PHACTR1: variants seen among roughly 807,000 people sequenced by gnomAD.
The protein encoded by PHACTR1 is RPEL repeat containing 1.
In PHACTR1, 16 loss-of-function variants were observed where a neutral mutation model predicts 69.2. The observed-to-expected ratio is 0.23, with a 90% CI of 0.16 to 0.35. The LOEUF (loss-of-function observed/expected upper bound fraction) is 0.35, where lower values mean the gene tolerates loss of function less well. PHACTR1 is among the 10% of genes least tolerant of loss of function. The pLI is 1.00. For synonymous variants in PHACTR1, 312 were observed against 284.5 expected, an observed-to-expected ratio of 1.10 and a Z score of -0.97; for missense variants, 510 against 734.7, an observed-to-expected ratio of 0.69 and a Z score of 3.54.
intron 4 of PHACTR1, among the ~76,000 whole-genome samples, chr6:13,006,371 A>C (rs1374436622): frequency 6.6e-6 from 1 of 152,156 alleles, no homozygotes; most frequent in African/African-American, 2.4e-5. Context: ...TCTGAATGTC[A>C]GTGGAATGTT....
intron 5 of PHACTR1, among the ~76,000 whole-genome samples, chr6:13,076,793 G>C (rs1326067238): frequency 1.3e-5 from 2 of 151,988 alleles, no homozygotes; most frequent in African/African-American, 2.4e-5. Context: ...CAAAGTCATA[G>C]CGTTAAGGAG....
At chr6:12,762,873 C>T (rs573856010) in intron 4 of PHACTR1, among the ~76,000 whole-genome samples, 3 of 152,296 alleles carry the variant, frequency 2.0e-5, no homozygotes, top group South Asian at 4.1e-4. Context: ...CCTTGTTTCT[C>T]TTGACTGCCA....
chr6:13,096,116 C>G (rs908804124), intron 5 of PHACTR1, among the ~76,000 whole-genome samples: 11 of 152,088 alleles, frequency 7.2e-5, no homozygotes, highest in African/African-American at 2.7e-4. Flanking sequence ...TCTACATAGA[C>G]AGCCTACAGA....
intron 4 of PHACTR1, among the ~76,000 whole-genome samples, chr6:12,796,380 G>T (rs1773005206): frequency 6.6e-6 from 1 of 152,170 alleles, no homozygotes. Context: ...ATGAGACCTT[G>T]TTCCCAGTAC....
chr6:13,074,867 A>G (rs1810173027), intron 5 of PHACTR1, among the ~76,000 whole-genome samples: 1 of 152,224 alleles, frequency 6.6e-6, no homozygotes, highest in South Asian at 2.1e-4. Context: ...GTTAATGGGA[A>G]AAAGCAAGAT....
At chr6:12,823,070 A>C (rs1002594259) in intron 4 of PHACTR1, among the ~76,000 whole-genome samples, 19 of 152,202 alleles carry the variant, frequency 1.2e-4, no homozygotes, top group African/African-American at 3.9e-4. Flanking sequence ...AGGATTATAT[A>C]TCGAGGCAAA....
rs1460006615 is a variant in PHACTR1, at chr6:13,283,297, T to TCA, written c.1510-123_1510-122dup. 8.8e-6 allele frequency: 4 copies of TCA among 456,320 alleles called. No homozygotes were observed. The highest frequency in any genetic ancestry group is 1.5e-5 in the Non-Finnish European group (4 of 259,714). 28.3% of individuals were successfully genotyped at this position (456,320 alleles called of 1,614,324 possible). A position where few individuals can be genotyped will look rare whatever the true frequency, so the allele number is the denominator to read the frequency against. On this transcript the variant is annotated intron_variant, in intron 12 of 14. Coordinates refer to ENST00000332995, the MANE Select transcript of PHACTR1 (RefSeq NM_030948.6). The surrounding 1 kb of genome is among the most constrained non-coding windows in gnomAD (Gnocchi z 4.7). ...CCCTCCCCCTGCCCCTGCCCCTCACTCACTATGCGATGCATCCATCGCCTC... is the reference window on the plus strand; with the variant it reads ...CCCTCCCCCTGCCCCTGCCCCTCACTCACACTATGCGATGCATCCATCGCCTC...
chr6:12,955,653 A>G (rs1436102253), intron 4 of PHACTR1, among the ~76,000 whole-genome samples: 1 of 152,102 alleles, frequency 6.6e-6, no homozygotes, highest in African/African-American at 2.4e-5. Flanking sequence ...ACACCTTCCT[A>G]TGTGTCTTTA....
Position 13,228,070 on chromosome 6 carries a change from T to G in PHACTR1, c.1234+7T>G. On this transcript the variant is annotated splice_region_variant and intron_variant, in intron 9 of 14. Coordinates refer to ENST00000332995, the MANE Select transcript of PHACTR1 (RefSeq NM_030948.6). ...GACAGCTCATTATACACCAGTGCGT[T>G]CATCTTAACTCATCACCAGGGGTGG... The G allele has an allele frequency of 6.2e-7, 1 of 1,604,330 alleles. No homozygotes were observed. Among genetic ancestry groups the G allele is most frequent in the Non-Finnish European group, 8.5e-7 (1 of 1,177,476 alleles).
At chr6:13,221,869 C>T (rs964380490) in intron 8 of PHACTR1, among the ~76,000 whole-genome samples, 1 of 152,116 alleles carries the variant, frequency 6.6e-6, no homozygotes, top group Non-Finnish European at 1.5e-5. Flanking sequence ...AACCCTGCCT[C>T]TACTAAAAAT....
At position 13,205,876 on chromosome 6, in the gene PHACTR1, A is replaced by C. The variant is rs569018395; in HGVS notation, c.726A>C (p.Pro242=). The change falls in exon 8 of 15, where the codon CCA becomes CCC. Residue 242 remains proline (P), a synonymous_variant. Coordinates refer to ENST00000332995, the MANE Select transcript of PHACTR1 (RefSeq NM_030948.6). ...LPVKLSPPLP[P]KKVMICMPVG... ...TGAAACTGTCGCCTCCGCTACCTCCAAAGAAAGTCATGATCTGTATGCCCG... is the reference window on the plus strand; with the variant it reads ...TGAAACTGTCGCCTCCGCTACCTCCCAAGAAAGTCATGATCTGTATGCCCG... The C allele has an allele frequency of 7.0e-5, 113 of 1,603,728 alleles. No individual in the cohort carries two copies. Among genetic ancestry groups the C allele is most frequent in the Non-Finnish European group, 9.6e-5 (112 of 1,171,522 alleles).
At chr6:13,118,236 C>T (rs1205177894) in intron 5 of PHACTR1, among the ~76,000 whole-genome samples, 1 of 152,172 alleles carries the variant, frequency 6.6e-6, no homozygotes, top group Non-Finnish European at 1.5e-5. Context: ...TGTTCACATA[C>T]ATCCAGAAGC....
intron 4 of PHACTR1, among the ~76,000 whole-genome samples, chr6:12,945,964 A>AAAAT (rs146460461): frequency 0.042 from 5,949 of 142,396 alleles, 186 homozygotes; most frequent in African/African-American, 0.081. Flanking sequence ...CTCTGTCTCA[A>AAAAT]AAATAAATAA....
intron 4 of PHACTR1, among the ~76,000 whole-genome samples, chr6:12,920,768 G>A (rs908953550): frequency 3.9e-5 from 6 of 152,212 alleles, no homozygotes; most frequent in Non-Finnish European, 8.8e-5. Context: ...GAAAGTAGCT[G>A]TAAGAAGGTG....
intron 5 of PHACTR1, among the ~76,000 whole-genome samples, chr6:13,089,132 C>A (rs527653422): frequency 1.6e-3 from 242 of 152,282 alleles, no homozygotes; most frequent in African/African-American, 5.5e-3. Flanking sequence ...AACAAGATTA[C>A]AAACACAGTC....
At chr6:13,270,388 G>GC (rs1208270179) in intron 10 of PHACTR1, among the ~76,000 whole-genome samples, 2 of 152,018 alleles carry the variant, frequency 1.3e-5, no homozygotes, top group Non-Finnish European at 2.9e-5. Context: ...TTCACCTCCA[G>GC]CCCCCCACCC....
chr6:12,786,950 T>G (rs1371422163), intron 4 of PHACTR1, among the ~76,000 whole-genome samples: 1 of 152,256 alleles, frequency 6.6e-6, no homozygotes, highest in African/African-American at 2.4e-5. Flanking sequence ...GGGAAAATTA[T>G]AAGTTTTGTA....
chr6:13,007,759 G>A (rs1798977489), intron 4 of PHACTR1, among the ~76,000 whole-genome samples: 2 of 149,358 alleles, frequency 1.3e-5, no homozygotes, highest in African/African-American at 4.9e-5. Context: ...AAATAATGCT[G>A]CAATCAAAAA....
intron 4 of PHACTR1, among the ~76,000 whole-genome samples, chr6:12,886,286 ACATT>A (rs759840087): frequency 6.1e-4 from 93 of 152,268 alleles, no homozygotes; most frequent in African/African-American, 2.0e-3. Context: ...TTAAGAAAAA[ACATT>A]CAAAGGTCAC....
Sources: allele counts gnomAD v4.1 joint callset (sites outside exome capture counted in the v4.1 genomes callset), GRCh38; gene constraint gnomAD v4.1.1; non-coding constraint Gnocchi (gnomAD v3.1); transcripts MANE v1.5; gene names NCBI Gene and HGNC (gene_info 2026-07-23, HGNC 2026-07-21).